MYO5C: variants seen among roughly 807,000 people sequenced by gnomAD.
The protein encoded by MYO5C is unconventional myosin-Vc.
MYO5C carries 194 observed loss-of-function variants against 235.7 expected under a neutral mutation model. That is an observed-to-expected ratio of 0.82 (90% confidence interval 0.73 to 0.93). MYO5C has a LOEUF of 0.93. Among genes scored for constraint, MYO5C ranks in the 40% least tolerant of loss-of-function variants. The pLI is 0.00. For synonymous variants in MYO5C, 707 were observed against 754.8 expected (o/e 0.94, Z 1.04); for missense variants, 2,038 against 2,127.2 (o/e 0.96, Z 0.82).
intron 1 of MYO5C, among the ~76,000 whole-genome samples, chr15:52,291,539 C>T (rs1182080286): frequency 6.6e-6 from 1 of 151,904 alleles, no homozygotes; most frequent in Admixed American, 6.6e-5. Context: ...CGGGTCATGT[C>T]AGACTTTCCC....
chr15:52,237,103 C>A (rs2036103138), intron 22 of MYO5C: 1 of 156,658 alleles, frequency 6.4e-6, no homozygotes, highest in Non-Finnish European at 1.4e-5. Flanking sequence ...GAAAACCCTA[C>A]CCTAGCTTTG....
At chr15:52,294,597 T>A (rs772835464) in intron 1 of MYO5C, among the ~76,000 whole-genome samples, 3 of 152,214 alleles carry the variant, frequency 2.0e-5, no homozygotes, top group Non-Finnish European at 4.4e-5. Flanking sequence ...TCCGGGGAAA[T>A]GGATGGATTC....
chr15:52,219,913 C>G (rs2035639341), intron 30 of MYO5C, 91 bp from the exon 31 acceptor site: 4 of 929,592 alleles, frequency 4.3e-6, no homozygotes, highest in Non-Finnish European at 6.8e-6. Flanking sequence ...TTTAGAGGTC[C>G]TAAACTAGGG....
At position 52,225,110 on chromosome 15, in the gene MYO5C, A is replaced by G. The variant is rs2035791313; in HGVS notation, c.3330T>C (p.Leu1110=). The part of the protein sequence containing the change: ...REKMSEITKQ[L]LESYDIEDVR... ...CATCTTCAATGTCATAGCTTTCGAG[A>G]AGTTGTTTGGTGATCTCTGACATCT... Residue 1110 remains leucine, a synonymous_variant, in exon 27 of 41, where the codon CTT becomes CTC. Coordinates refer to ENST00000261839, the MANE Select transcript of MYO5C (RefSeq NM_018728.4). 1 of 1,614,110 alleles carries G rather than the reference A, an allele frequency of 6.2e-7. No individual in the cohort carries two copies. Among genetic ancestry groups the G allele is most frequent in the African/African-American group, 1.3e-5 (1 of 75,058 alleles).
intron 1 of MYO5C, among the ~76,000 whole-genome samples, chr15:52,291,590 G>A (rs1371876295): frequency 6.6e-6 from 1 of 151,870 alleles, no homozygotes; most frequent in Admixed American, 6.6e-5. Context: ...ACGACGCCAG[G>A]GACCAAAACT....
intron 33 of MYO5C, among the ~76,000 whole-genome samples, chr15:52,214,336 AAAG>A (rs770271752): frequency 6.6e-5 from 10 of 152,244 alleles, no homozygotes; most frequent in African/African-American, 9.6e-5. Flanking sequence ...ATTTTTTAAA[AAAG>A]GGAGCTAACA....
At chr15:52,221,625 A>G (rs1323744085) in intron 29 of MYO5C, among the ~76,000 whole-genome samples, 1 of 152,152 alleles carries the variant, frequency 6.6e-6, no homozygotes, top group Non-Finnish European at 1.5e-5. Flanking sequence ...AGCCATCTCA[A>G]AGGGTCCCAC....
chr15:52,247,091 C>T, intron 15 of MYO5C, 77 bp from the exon 16 acceptor site: 1 of 1,280,770 alleles, frequency 7.8e-7, no homozygotes, highest in East Asian at 2.3e-5. Flanking sequence ...GCAGCCCAAC[C>T]TTGTTAAGTT....
intron 1 of MYO5C, among the ~76,000 whole-genome samples, chr15:52,294,903 T>G (rs1297031124): frequency 6.6e-6 from 1 of 152,208 alleles, no homozygotes; most frequent in Non-Finnish European, 1.5e-5. Flanking sequence ...GTGGTGTTTG[T>G]ACTGTTGCTA....
chr15:52,244,987 G>A (rs1022184446), intron 18 of MYO5C, among the ~76,000 whole-genome samples: 1 of 152,136 alleles, frequency 6.6e-6, no homozygotes, highest in Admixed American at 6.5e-5. Flanking sequence ...ACAACTCATC[G>A]CTGCAGCAAT....
At chr15:52,261,198 G>A in intron 9 of MYO5C, 71 bp from the exon 10 acceptor site, 2 of 1,547,718 alleles carry the variant, frequency 1.3e-6, no homozygotes, top group East Asian at 2.3e-5. Context: ...CCCGGCCAAG[G>A]CCCCCGTGCC....
intron 8 of MYO5C, among the ~76,000 whole-genome samples, chr15:52,266,413 A>G (rs1244994717): frequency 1.3e-5 from 2 of 152,188 alleles, no homozygotes; most frequent in Non-Finnish European, 2.9e-5. Context: ...ACAGCAGAAG[A>G]GCAGAAGAAA....
At chr15:52,206,412 A>G (rs1403136654) in intron 36 of MYO5C, among the ~76,000 whole-genome samples, 2 of 152,222 alleles carry the variant, frequency 1.3e-5, no homozygotes, top group Non-Finnish European at 2.9e-5. Context: ...CCTAAAAATC[A>G]TACATTGAAG....
At chr15:52,235,873 C>G in intron 22 of MYO5C, 110 bp from the exon 23 acceptor site, 1 of 676,930 alleles carries the variant, frequency 1.5e-6, no homozygotes, top group South Asian at 2.1e-5. Context: ...TTTATTTTTT[C>G]TCAGCTCCTG....
At position 52,272,680 on chromosome 15, in the gene MYO5C, C is replaced by G; in HGVS notation, c.650G>C (p.Arg217Pro). Residue 217 changes from arginine (R) to proline (P), a missense_variant, in exon 6 of 41, where the codon CGG becomes CCG. Physicochemically the swap from Arg to Pro is moderately radical, Grantham distance 103. Coordinates refer to ENST00000261839, the MANE Select transcript of MYO5C (RefSeq NM_018728.4). The stretch of plus-strand genomic sequence containing the variant: ...ACTGATTTCTGTGTATTTCCCAAAC[C>G]GACTACTATTGTCATTGCGGGTGGT... ...AKTTRNDNSSRFGKYTEISFD... is the reference protein window; with the variant it reads ...AKTTRNDNSSPFGKYTEISFD... The G allele has an allele frequency of 6.2e-7, 1 of 1,614,024 alleles. No homozygotes were observed. The highest frequency in any genetic ancestry group is 1.1e-5 in the South Asian group (1 of 91,068).
chr15:52,221,228 A>T lies in MYO5C; in HGVS notation c.3655T>A (p.Ser1219Thr). ...TCTTGCTTCTGTTTCTCCAATTCTG[A>T]AATTTGCTGTTTAAAGTCTGGGATC... ...MMIPDFKQQI[S>T]ELEKQKQDLE... Residue 1219 changes from serine (S) to threonine (T), a missense_variant, in exon 30 of 41, where the codon TCA becomes ACA. Transcript: ENST00000261839. The T allele has an allele frequency of 4.3e-6, 7 of 1,612,778 alleles. No individual in the cohort carries two copies. Among genetic ancestry groups the T allele is most frequent in the Non-Finnish European group, 5.9e-6 (7 of 1,179,310 alleles).
intron 11 of MYO5C, among the ~76,000 whole-genome samples, chr15:52,255,775 A>AT (rs1196131992): frequency 6.6e-6 from 1 of 152,192 alleles, no homozygotes; most frequent in Non-Finnish European, 1.5e-5. Flanking sequence ...TTTACTCAAC[A>AT]TTTTTTAAAT....
intron 25 of MYO5C, among the ~76,000 whole-genome samples, chr15:52,228,183 A>G (rs1297773872): frequency 1.3e-5 from 2 of 151,650 alleles, no homozygotes; most frequent in Non-Finnish European, 2.9e-5. Flanking sequence ...TCGGTCTGTC[A>G]CCCAGGCTGG....
chr15:52,211,268 CT>C (rs2035436198), intron 35 of MYO5C, among the ~76,000 whole-genome samples: 1 of 152,202 alleles, frequency 6.6e-6, no homozygotes, highest in South Asian at 2.1e-4. Context: ...GCTACAATAG[CT>C]TAACTTTACT....
Sources: allele counts gnomAD v4.1 joint callset (sites outside exome capture counted in the v4.1 genomes callset), GRCh38; gene constraint gnomAD v4.1.1; transcripts MANE v1.5; gene names NCBI Gene and HGNC (gene_info 2026-07-23, HGNC 2026-07-21).